FBXW8: variants seen among roughly 807,000 people sequenced by gnomAD.
FBXW8 encodes the protein F-box and WD repeat domain containing 8.
A neutral mutation model predicts 65.3 loss-of-function variants in FBXW8; 57 were observed. That is an observed-to-expected ratio of 0.87 (90% CI 0.71 to 1.09). The LOEUF is 1.09. Among genes scored for constraint, FBXW8 ranks in the 50% least tolerant of loss-of-function variants. The pLI, the probability that FBXW8 is intolerant of heterozygous loss-of-function variation, is 0.00. For missense variants in FBXW8, 777 were observed against 814.8 expected (o/e 0.95, Z 0.57); for synonymous variants, 308 against 330.2 (o/e 0.93, Z 0.73).
At chr12:116,912,268 G>T (rs1363013838) in intron 1 of FBXW8, among the ~76,000 whole-genome samples, 2 of 148,980 alleles carry the variant, frequency 1.3e-5, no homozygotes. Flanking sequence ...GCCCACTGCA[G>T]CCTCAAACTG....
At chr12:116,982,640 T>C (rs867271539) in intron 5 of FBXW8, among the ~76,000 whole-genome samples, 198 of 136,216 alleles carry the variant, frequency 1.5e-3, no homozygotes, top group Middle Eastern at 4.0e-3. Flanking sequence ...TTTTTTTTTT[T>C]CCCAAAAAGA....
intron 1 of FBXW8, among the ~76,000 whole-genome samples, chr12:116,917,728 T>C (rs887833685): frequency 6.6e-6 from 1 of 152,132 alleles, no homozygotes; most frequent in Non-Finnish European, 1.5e-5. Context: ...CATGGTGGCT[T>C]ATGCCTGTAA....
Position 116,957,240 on chromosome 12 carries a change from G to A in FBXW8, c.678-7457G>A, listed in dbSNP as rs150562621. Among the ~76,000 whole-genome samples the A allele has an allele frequency of 9.9e-5, 15 of 152,056 alleles. No homozygotes were observed. The East Asian group carries it at 1.9e-3, about 20-fold the overall frequency. On this transcript the variant is annotated intron_variant, in intron 4 of 10. Coordinates refer to ENST00000652555, the MANE Select transcript of FBXW8 (RefSeq NM_153348.3). Reference sequence around the variant, plus strand: ...TGCACACCTGTAATCTCAGCTACTCGGGTGGCTGAGGCACAAGGATCACTT... The same window carrying A: ...TGCACACCTGTAATCTCAGCTACTCAGGTGGCTGAGGCACAAGGATCACTT...
At chr12:116,988,128 T>TA (rs1409403220) in intron 6 of FBXW8, among the ~76,000 whole-genome samples, 1 of 152,242 alleles carries the variant, frequency 6.6e-6, no homozygotes, top group Non-Finnish European at 1.5e-5. Flanking sequence ...TTCTAGTTTT[T>TA]AGCTAAGACA....
At chr12:116,921,243 A>G (rs560578637) in intron 1 of FBXW8, among the ~76,000 whole-genome samples, 8 of 152,372 alleles carry the variant, frequency 5.3e-5, no homozygotes, top group African/African-American at 1.9e-4. Flanking sequence ...TGAGCTGGTT[A>G]GATTCTATAG....
chr12:116,946,121 G>A (rs1300787680), intron 3 of FBXW8, among the ~76,000 whole-genome samples: 1 of 152,190 alleles, frequency 6.6e-6, no homozygotes, highest in Non-Finnish European at 1.5e-5. Flanking sequence ...GAGGCATGAC[G>A]AGACAGCAGT....
rs1883959174 is a variant in FBXW8, at chr12:116,961,091, G to A, written c.678-3606G>A. ...GGCTCACTGCAACCTCCACCTCCCAGTTCAAGCGATTCTTCTGCCTCAGCC... is the reference window on the plus strand; with the variant it reads ...GGCTCACTGCAACCTCCACCTCCCAATTCAAGCGATTCTTCTGCCTCAGCC... On this transcript the variant is annotated intron_variant, in intron 4 of 10. Transcript: ENST00000652555. This position sits in a 1 kb window ranked among gnomAD's most constrained non-coding sequence, Gnocchi z 4.4. Among the ~76,000 whole-genome samples the A allele has an allele frequency of 6.6e-6, 1 of 152,182 alleles. No homozygotes were observed. The highest frequency in any genetic ancestry group is 2.4e-5 in the African/African-American group (1 of 41,456).
intron 5 of FBXW8, among the ~76,000 whole-genome samples, chr12:116,967,176 A>G (rs1237081306): frequency 6.8e-6 from 1 of 146,046 alleles, no homozygotes; most frequent in Non-Finnish European, 1.5e-5. Context: ...TTTTTTTTTA[A>G]TAACCTAATG....
At chr12:116,978,510 G>A (rs1025481439) in intron 5 of FBXW8, 7 of 152,210 alleles carry the variant, frequency 4.6e-5, no homozygotes, top group Non-Finnish European at 1.0e-4. Context: ...TAGAAATTGA[G>A]ATTGCCAGCT....
At chr12:116,956,757 C>A (rs1236748800) in intron 4 of FBXW8, among the ~76,000 whole-genome samples, 2 of 152,044 alleles carry the variant, frequency 1.3e-5, no homozygotes, top group African/African-American at 4.8e-5. Context: ...CACTTAGGGT[C>A]AGGAGTTTGA....
Position 116,988,601 on chromosome 12 carries a change from T to C in FBXW8, c.1033-62T>C, listed in dbSNP as rs559268772. On this transcript the variant is annotated intron_variant, in intron 6 of 10. Transcript: ENST00000652555. ...CTTCTCATTGATGTGTAGGTGGAATTGCATATTTTTGATCAAGTCAGGATG... is the reference window on the plus strand; with the variant it reads ...CTTCTCATTGATGTGTAGGTGGAATCGCATATTTTTGATCAAGTCAGGATG... 3 of 1,443,922 alleles carry C rather than the reference T, an allele frequency of 2.1e-6. No homozygotes were observed. In the East Asian group the frequency reaches 6.8e-5, roughly 33 times the overall value. The allele number at this position is 1,443,922 out of a possible 1,614,324, so 89.4% of individuals were successfully genotyped here.
chr12:117,022,355 TAAAA>T (rs5801209), intron 8 of FBXW8, among the ~76,000 whole-genome samples: 5 of 139,122 alleles, frequency 3.6e-5, no homozygotes, highest in African/African-American at 1.3e-4. Flanking sequence ...AAGAAACTAT[TAAAA>T]AAAAAAAAAA....
chr12:116,987,940 G>T (rs115647726), intron 6 of FBXW8, among the ~76,000 whole-genome samples: 194 of 152,232 alleles, frequency 1.3e-3, no homozygotes, highest in Middle Eastern at 6.8e-3. Context: ...CAGCAGGTGG[G>T]GTTACCTAAC....
At chr12:117,005,638 C>T (rs1041529419) in intron 7 of FBXW8, among the ~76,000 whole-genome samples, 6 of 152,222 alleles carry the variant, frequency 3.9e-5, no homozygotes, top group African/African-American at 1.2e-4. Flanking sequence ...CCACGTGATG[C>T]GTGCAGACAG....
intron 6 of FBXW8, chr12:116,985,605 G>T: frequency 1.8e-6 from 1 of 544,324 alleles, no homozygotes; most frequent in Non-Finnish European, 3.2e-6. Context: ...GCTTAGAGCA[G>T]TGAACTGACT....
intron 5 of FBXW8, among the ~76,000 whole-genome samples, chr12:116,984,651 TAGCCAAAACAC>T (rs1432827107): frequency 3.3e-5 from 5 of 152,244 alleles, no homozygotes; most frequent in Admixed American, 6.5e-5. Context: ...GATGGGTTTG[TAGCCAAAACAC>T]AGCCAAAACT....
chr12:116,948,672 C>A (rs1404718236), intron 3 of FBXW8: 3 of 152,160 alleles, frequency 2.0e-5, no homozygotes, highest in Non-Finnish European at 4.4e-5. Flanking sequence ...TTCATGCTTG[C>A]TTTGTGGCCT....
intron 1 of FBXW8, among the ~76,000 whole-genome samples, chr12:116,924,443 C>A (rs1392317160): frequency 2.0e-5 from 3 of 152,132 alleles, no homozygotes; most frequent in Non-Finnish European, 4.4e-5. Context: ...AAAATCTGTT[C>A]TTCTAGCTAT....
intron 5 of FBXW8, among the ~76,000 whole-genome samples, chr12:116,983,918 A>G (rs776018786): frequency 1.4e-4 from 22 of 152,356 alleles, no homozygotes; most frequent in Middle Eastern, 3.4e-3. Context: ...AAAGGCTAAC[A>G]GGCTCAGAGC....
Sources: gnomAD v4.1 joint callset for allele counts (sites outside exome capture counted in the v4.1 genomes callset) on GRCh38, gnomAD v4.1.1 for gene constraint, Gnocchi (gnomAD v3.1) non-coding constraint, MANE v1.5 for transcripts, NCBI Gene and HGNC (gene_info 2026-07-23, HGNC 2026-07-21) for gene names.